The following SDAD1 variants were observed in gnomAD, a reference collection of about 807,000 sequenced individuals.
SDAD1 encodes the protein SDA1 domain containing 1, also known as protein SDA1 homolog.
Under a neutral mutation model 100.3 loss-of-function variants are expected in SDAD1, and 79 were observed. The observed-to-expected ratio is 0.79, with a 90% CI of 0.66 to 0.95. The LOEUF (loss-of-function observed/expected upper bound fraction) is 0.95, where lower values mean the gene tolerates loss of function less well. SDAD1 is among the 40% of genes least tolerant of loss of function. The probability of loss-of-function intolerance (pLI) is 0.00; values close to 1 mark genes in which losing one functional copy is unlikely to be tolerated. For missense variants in SDAD1, 790 were observed against 810.9 expected, an observed-to-expected ratio of 0.97 and a Z score of 0.31; for synonymous variants, 267 against 271.4, an observed-to-expected ratio of 0.98 and a Z score of 0.16.
In SDAD1 at chr4:75,984,778, A is replaced by ACAC. The variant is rs1730779567; in HGVS notation, c.91-2742_91-2741insGTG. On this transcript the variant is annotated intron_variant, in intron 1 of 21. Transcript: ENST00000356260. ...TATGTGACATACACACACACACACAAACACACACACACACACACACACACA... is the reference window on the plus strand; with the variant it reads ...TATGTGACATACACACACACACACAACACACACACACACACACACACACACACA... 4.5e-4 allele frequency among the ~76,000 whole-genome samples: 61 copies of ACAC among 137,026 alleles called. 1 individual carries two copies. The highest frequency in any genetic ancestry group is 1.8e-3 in the South Asian group (7 of 3,978). The allele number at this position is 137,026 out of a possible 152,430, so 89.9% of individuals were successfully genotyped here. A position where few individuals can be genotyped will look rare whatever the true frequency, so the allele number is the denominator to read the frequency against.
At chr4:75,967,497 C>T (rs1729616728) in intron 11 of SDAD1, among the ~76,000 whole-genome samples, 163 bp from the exon 12 acceptor site, 2 of 152,088 alleles carry the variant, frequency 1.3e-5, no homozygotes, top group Non-Finnish European at 2.9e-5. Flanking sequence ...CTATATTAAC[C>T]AAGGCTAGGA....
chr4:75,957,496 TAA>T lies in SDAD1; in HGVS notation c.1769+20_1769+21del, dbSNP rs1316129510. 3.7e-6 allele frequency: 6 copies of T among 1,613,136 alleles called. No individual in the cohort carries two copies. Among genetic ancestry groups the T allele is most frequent in the Non-Finnish European group, 4.2e-6 (5 of 1,179,264 alleles). On this transcript the variant is annotated intron_variant, in intron 19 of 21. Transcript: ENST00000356260. ...TTACCACATGAGCTGACTGAAGTAC[TAA>T]AGTGGATGTGCCATTTTACCTGGGC...
In SDAD1 at chr4:75,957,602, G is replaced by C. The variant is rs533166382; in HGVS notation, c.1685C>G (p.Ala562Gly). Residue 562 changes from alanine to glycine, a missense_variant, in exon 19 of 22, where the codon GCC becomes GGC. Physicochemically the swap from Ala to Gly is moderately conservative, Grantham distance 60 (BLOSUM62 0). Transcript: ENST00000356260. Reference protein sequence around the residue: ...TQEDFQKIRMAQMRKELDAAP... With the variant: ...TQEDFQKIRMGQMRKELDAAP... ...AGCATCAAGTTCTTTTCTCATTTGG[G>C]CCATGCGGATTTTCTGGAAGTCTTC... The C allele has an allele frequency of 1.9e-6, 3 of 1,614,114 alleles. No homozygotes were observed. In the East Asian group the frequency reaches 6.7e-5, roughly 36 times the overall value.
chr4:75,957,810 T>A, intron 18 of SDAD1, 37 bp downstream of exon 18: 3 of 1,612,458 alleles, frequency 1.9e-6, no homozygotes, highest in Non-Finnish European at 2.5e-6. Flanking sequence ...TACGTCTTAA[T>A]AAACACCAGG....
At chr4:75,972,683 A>G (rs2149321591) in intron 8 of SDAD1, among the ~76,000 whole-genome samples, 1 of 146,588 alleles carries the variant, frequency 6.8e-6, no homozygotes, top group South Asian at 2.2e-4. Context: ...TTATTTTAAT[A>G]TTTTATGCCA....
chr4:75,978,632 G>GT (rs2149326271), intron 3 of SDAD1, among the ~76,000 whole-genome samples: 1 of 152,144 alleles, frequency 6.6e-6, no homozygotes, highest in East Asian at 1.9e-4. Flanking sequence ...AGGAAAAACG[G>GT]TAAGAATGAA....
intron 8 of SDAD1, 58 bp downstream of exon 8, chr4:75,973,259 T>C (rs746868133): frequency 2.4e-5 from 33 of 1,363,270 alleles, no homozygotes; most frequent in Non-Finnish European, 3.3e-5. Flanking sequence ...GACTTTACAA[T>C]GTGTACTCAG....
chr4:75,967,215 A>C, intron 12 of SDAD1, 62 bp downstream of exon 12: 1 of 1,478,782 alleles, frequency 6.8e-7, no homozygotes, highest in Non-Finnish European at 9.5e-7. Flanking sequence ...CCAGAACAAA[A>C]GACTTTGCAT....
At chr4:75,951,543 G>A (rs1728628645) in intron 21 of SDAD1, among the ~76,000 whole-genome samples, 1 of 152,174 alleles carries the variant, frequency 6.6e-6, no homozygotes, top group Admixed American at 6.5e-5. Context: ...AATGAAAGCA[G>A]TGAATTGTAT....
intron 3 of SDAD1, among the ~76,000 whole-genome samples, chr4:75,979,457 G>A (rs1730362464): frequency 1.3e-5 from 2 of 151,936 alleles, no homozygotes; most frequent in Admixed American, 1.3e-4. Flanking sequence ...TCCTAGTAAA[G>A]GAAATCTCTA....
At chr4:75,964,622 G>A (rs891310442) in intron 13 of SDAD1, among the ~76,000 whole-genome samples, 4 of 152,156 alleles carry the variant, frequency 2.6e-5, no homozygotes, top group Non-Finnish European at 5.9e-5. Context: ...AACGGTGAGG[G>A]AAGGGGGGAC....
intron 20 of SDAD1, 117 bp from the exon 21 acceptor site, chr4:75,956,253 G>T: frequency 1.9e-6 from 2 of 1,028,634 alleles, no homozygotes; most frequent in Non-Finnish European, 2.8e-6. Flanking sequence ...GGCACAGAAT[G>T]GACAGGACAC....
At chr4:75,957,254 T>A in intron 20 of SDAD1, 71 bp downstream of exon 20, 1 of 1,314,222 alleles carries the variant, frequency 7.6e-7, no homozygotes, top group South Asian at 1.3e-5. Context: ...TCTGTGGCTA[T>A]ACAAGTTCTG....
chr4:75,959,988 A>T, intron 17 of SDAD1, 78 bp downstream of exon 17: 3 of 1,425,790 alleles, frequency 2.1e-6, no homozygotes, highest in Non-Finnish European at 2.8e-6. Context: ...ATGAATGTTC[A>T]AATAGTATAC....
chr4:75,990,870 C>T lies in SDAD1; in HGVS notation c.-29G>A, dbSNP rs777780311. On this transcript the variant is annotated 5_prime_UTR_variant, in exon 1 of 22. Coordinates refer to ENST00000356260, the MANE Select transcript of SDAD1 (RefSeq NM_018115.4). ...GGCTGCAGACAGACTTCGCGGCGAG[C>T]AGTTTTAAAAAAACTCAGACGGCCG... 1 of 1,613,792 alleles carries T rather than the reference C, an allele frequency of 6.2e-7. No individual in the cohort carries two copies. The highest frequency in any genetic ancestry group is 8.5e-7 in the Non-Finnish European group (1 of 1,179,968).
At position 75,957,582 on chromosome 4, in the gene SDAD1, C is replaced by G. The variant is rs1368937059; in HGVS notation, c.1705G>C (p.Asp569His). Residue 569 changes from aspartate (D) to histidine (H), a missense_variant, in exon 19 of 22, where the codon GAT becomes CAT. Coordinates refer to ENST00000356260, the MANE Select transcript of SDAD1 (RefSeq NM_018115.4). ...TTCTGGGATTTCCCGGGGGCAGCAT[C>G]AAGTTCTTTTCTCATTTGGGCCATG... ...IRMAQMRKEL[D>H]AAPGKSQKRK... The G allele has an allele frequency of 6.2e-7, 1 of 1,614,186 alleles. No homozygotes were observed. Among genetic ancestry groups the G allele is most frequent in the Non-Finnish European group, 8.5e-7 (1 of 1,180,048 alleles).
intron 4 of SDAD1, 46 bp downstream of exon 4, chr4:75,977,600 T>C (rs1560551667): frequency 8.4e-7 from 1 of 1,193,636 alleles, no homozygotes. Context: ...CAAAATTTTA[T>C]GTCGCCTCAA....
intron 12 of SDAD1, 56 bp from the exon 13 acceptor site, chr4:75,965,878 G>T: frequency 2.1e-6 from 3 of 1,430,500 alleles, no homozygotes; most frequent in South Asian, 2.4e-5. Context: ...TGCCTCTGAG[G>T]ACCACAGCAA....
intron 17 of SDAD1, among the ~76,000 whole-genome samples, chr4:75,959,431 CTA>C (rs1729106225): frequency 6.6e-6 from 1 of 151,900 alleles, no homozygotes; most frequent in African/African-American, 2.4e-5. Context: ...TGGTGAAACC[CTA>C]TCTCTACTAA....
Sources: gnomAD v4.1 joint callset for allele counts (sites outside exome capture counted in the v4.1 genomes callset) on GRCh38, gnomAD v4.1.1 for gene constraint, MANE v1.5 for transcripts, NCBI Gene and HGNC (gene_info 2026-07-23, HGNC 2026-07-21) for gene names.